The following TACC1 variants were observed in gnomAD, a reference collection of about 807,000 sequenced individuals.
The protein encoded by TACC1 is transforming acidic coiled-coil-containing protein 1.
TACC1 carries 48 observed loss-of-function variants against 84.4 expected under a neutral mutation model. The observed-to-expected ratio is 0.57, with a 90% CI of 0.45 to 0.72. The LOEUF is 0.72. TACC1 is among the 30% of genes least tolerant of loss of function. The pLI is 0.00. For missense variants in TACC1, 920 were observed against 973.0 expected (o/e 0.95, Z 0.72); for synonymous variants, 372 against 376.3 (o/e 0.99, Z 0.13).
At chr8:38,770,424 C>T (rs1813353984) in intron 3 of TACC1, among the ~76,000 whole-genome samples, 1 of 152,110 alleles carries the variant, frequency 6.6e-6, no homozygotes, top group Non-Finnish European at 1.5e-5. Context: ...GCCGCGCTCT[C>T]CCCCTTCGCA....
chr8:38,773,678 G>A (rs549300095), intron 3 of TACC1, among the ~76,000 whole-genome samples: 1 of 151,988 alleles, frequency 6.6e-6, no homozygotes, highest in African/African-American at 2.4e-5. Context: ...GTAAGAGAGA[G>A]ATTTGCAATC....
Position 38,787,647 on chromosome 8 carries a change from T to C in TACC1, c.65T>C (p.Val22Ala). Residue 22 changes from valine to alanine, a missense_variant, in exon 1 of 13, where the codon GTA becomes GCA. By Grantham distance (64) the Val-to-Ala change is moderately conservative. Around this residue, in one of 2 missense-constraint regions of TACC1, gnomAD observed 762 missense variants for 747.3 expected, o/e 1.02. Transcript: ENST00000317827. Reference protein sequence around the residue: ...VQWAKWTWSAVRGGAAGEDEA... With the variant: ...VQWAKWTWSAARGGAAGEDEA... ...TGGGCGAAATGGACGTGGTCTGCGG[T>C]ACGCGGCGGGGCCGCCGGCGAGGAC... The C allele has an allele frequency of 6.4e-7, 1 of 1,550,570 alleles. No homozygotes were observed. Among genetic ancestry groups the C allele is most frequent in the South Asian group, 1.2e-5 (1 of 84,608 alleles).
At chr8:38,791,301 AGG>A (rs1818592064) in intron 2 of TACC1, among the ~76,000 whole-genome samples, 2 of 152,168 alleles carry the variant, frequency 1.3e-5, no homozygotes, top group Non-Finnish European at 2.9e-5. Context: ...TGGATCATGA[AGG>A]CTCTATGGGG....
At chr8:38,741,123 C>T (rs1029924920) in intron 1 of TACC1, among the ~76,000 whole-genome samples, 1 of 151,666 alleles carries the variant, frequency 6.6e-6, no homozygotes. Flanking sequence ...TTGTTTTGCT[C>T]AGCCAGGGCA....
intron 1 of TACC1, among the ~76,000 whole-genome samples, chr8:38,736,198 GC>G (rs1805923692): frequency 6.6e-6 from 1 of 152,108 alleles, no homozygotes; most frequent in South Asian, 2.1e-4. Context: ...TGCATTTAAG[GC>G]CCACCCAGAT....
chr8:38,792,336 T>A lies in TACC1; in HGVS notation c.277+3517T>A, dbSNP rs116316056. Among the ~76,000 whole-genome samples, 993 of 152,348 alleles carry A rather than the reference T, an allele frequency of 6.5e-3. 8 individuals carry two copies. Among genetic ancestry groups the A allele is most frequent in the African/African-American group, 0.023 (937 of 41,586 alleles). On this transcript the variant is annotated intron_variant, in intron 2 of 12. Coordinates refer to ENST00000317827, the MANE Select transcript of TACC1 (RefSeq NM_006283.3). ...TTTGCTTTGAGACAGGATCTATGTC[T>A]AGACTGGAGTGCAGTAGTATGATCA...
chr8:38,746,004 A>T (rs908542806), intron 3 of TACC1, among the ~76,000 whole-genome samples: 1 of 152,038 alleles, frequency 6.6e-6, no homozygotes, highest in African/African-American at 2.4e-5. Context: ...TTTTGTAGAC[A>T]TGGGGTCTTG....
intron 1 of TACC1, among the ~76,000 whole-genome samples, chr8:38,738,629 A>C (rs1253845961): frequency 1.4e-5 from 2 of 143,788 alleles, no homozygotes; most frequent in East Asian, 4.1e-4. Context: ...AGACCCCATT[A>C]TTGTGGGTCT....
At position 38,806,849 on chromosome 8, in the gene TACC1, T is replaced by C. The variant is rs139269236; in HGVS notation, c.278-12673T>C. ...CGAGTTAGCCTCAGACTCCACAGGC[T>C]TAAGGGCTCAATCTCACAAAACTGC... On this transcript the variant is annotated intron_variant, in intron 2 of 12. Transcript: ENST00000317827. Among the ~76,000 whole-genome samples, 424 of 152,300 alleles carry C rather than the reference T, an allele frequency of 2.8e-3. 3 individuals are homozygous for C. The highest frequency in any genetic ancestry group is 3.5e-3 in the Non-Finnish European group (241 of 68,024).
At chr8:38,773,745 T>C (rs1017769132) in intron 3 of TACC1, among the ~76,000 whole-genome samples, 2 of 152,200 alleles carry the variant, frequency 1.3e-5, no homozygotes, top group African/African-American at 4.8e-5. Flanking sequence ...GTACTCTGTG[T>C]TCATGGAGCT....
chr8:38,760,329 A>AG (rs1810972429), intron 3 of TACC1, among the ~76,000 whole-genome samples: 1 of 152,236 alleles, frequency 6.6e-6, no homozygotes, highest in African/African-American at 2.4e-5. Context: ...CTTTGGTAAA[A>AG]GCTAGTGGAA....
chr8:38,787,529 C>T lies in TACC1; in HGVS notation c.-54C>T. On this transcript the variant is annotated 5_prime_UTR_variant, in exon 1 of 13. Coordinates refer to ENST00000317827, the MANE Select transcript of TACC1 (RefSeq NM_006283.3). ...CCCTCCATTTTGAAAGGGAAAAAGG[C>T]TCTCCCCACCCATTCCCCTGCCCCT... 6.8e-7 allele frequency: 1 copy of T among 1,462,072 alleles called. No homozygotes were observed. Among genetic ancestry groups the T allele is most frequent in the Non-Finnish European group, 9.0e-7 (1 of 1,112,442 alleles). The allele number at this position is 1,462,072 out of a possible 1,614,324, so 90.6% of individuals were successfully genotyped here.
intron 1 of TACC1, among the ~76,000 whole-genome samples, chr8:38,739,219 A>C (rs1021079344): frequency 1.3e-5 from 2 of 152,212 alleles, no homozygotes; most frequent in Non-Finnish European, 2.9e-5. Flanking sequence ...ATCTATATTA[A>C]GCTAAACATG....
At chr8:38,785,014 A>T (rs1816843186), upstream of TACC1, among the ~76,000 whole-genome samples, 2 of 151,826 alleles carry the variant, frequency 1.3e-5, no homozygotes. Context: ...AGTGTTCTTT[A>T]TGGATGTTCG....
chr8:38,733,591 C>T (rs1456211649), intron 1 of TACC1, among the ~76,000 whole-genome samples: 1 of 152,100 alleles, frequency 6.6e-6, no homozygotes, highest in Non-Finnish European at 1.5e-5. Context: ...TAGGAGGCTG[C>T]TTACCTGAAT....
At chr8:38,817,940 A>AC (rs1825809190) in intron 2 of TACC1, among the ~76,000 whole-genome samples, 2 of 149,934 alleles carry the variant, frequency 1.3e-5, no homozygotes, top group African/African-American at 4.9e-5. Context: ...AAAAAAAAAA[A>AC]AAAAAAACAG....
chr8:38,765,006 G>A (rs1811955095), intron 3 of TACC1, among the ~76,000 whole-genome samples: 1 of 151,912 alleles, frequency 6.6e-6, no homozygotes, highest in Admixed American at 6.6e-5. Context: ...GGCTGAGGCA[G>A]GATAATCGCT....
intron 1 of TACC1, among the ~76,000 whole-genome samples, chr8:38,739,393 G>A (rs1488582400): frequency 6.6e-6 from 1 of 152,196 alleles, no homozygotes; most frequent in East Asian, 1.9e-4. Flanking sequence ...AGTGGTATTA[G>A]AGTGGTTAAC....
At chr8:38,804,065 T>G (rs983245142) in intron 2 of TACC1, among the ~76,000 whole-genome samples, 2 of 152,234 alleles carry the variant, frequency 1.3e-5, no homozygotes, top group Non-Finnish European at 2.9e-5. Context: ...GTATTTTTTC[T>G]TATTTTTTAA....
Sources: gnomAD v4.1 joint callset for allele counts (sites outside exome capture counted in the v4.1 genomes callset) on GRCh38, gnomAD v4.1.1 for gene constraint, gnomAD v4.1.1 regional missense constraint, MANE v1.5 for transcripts, NCBI Gene and HGNC (gene_info 2026-07-23, HGNC 2026-07-21) for gene names.